WWOX: variants seen among roughly 807,000 people sequenced by gnomAD.
WWOX encodes the protein WW domain-containing oxidoreductase.
In WWOX, 69 loss-of-function variants were observed where a neutral mutation model predicts 46.2. That is an observed-to-expected ratio of 1.49 (90% confidence interval 1.23 to 1.82). The LOEUF (loss-of-function observed/expected upper bound fraction) is 1.82. Ranked by LOEUF, WWOX falls within the 40% of genes most tolerant of loss-of-function variation. The pLI is 0.00. For synonymous variants in WWOX, 359 were observed against 202.6 expected (o/e 1.77, Z -6.56); for missense variants, 919 against 542.6 (o/e 1.69, Z -6.89).
intron 8 of WWOX, among the ~76,000 whole-genome samples, chr16:79,144,988 G>A (rs2050158256): frequency 6.6e-6 from 1 of 152,132 alleles, no homozygotes; most frequent in African/African-American, 2.4e-5. Flanking sequence ...GGCATCTACT[G>A]GGGGTCTTGG....
chr16:78,512,254 G>T (rs2085380707), intron 8 of WWOX, among the ~76,000 whole-genome samples: 1 of 152,086 alleles, frequency 6.6e-6, no homozygotes, highest in African/African-American at 2.4e-5. Context: ...TCAATTGCTG[G>T]TTCCTGTAAA....
intron 4 of WWOX, among the ~76,000 whole-genome samples, chr16:78,133,688 G>T (rs1280719629): frequency 1.3e-5 from 2 of 152,190 alleles, no homozygotes; most frequent in Non-Finnish European, 2.9e-5. Context: ...GAGCCACCAT[G>T]CCTGGCCTGA....
At chr16:78,562,368 T>C (rs1056602458) in intron 8 of WWOX, among the ~76,000 whole-genome samples, 7 of 152,202 alleles carry the variant, frequency 4.6e-5, no homozygotes, top group Non-Finnish European at 8.8e-5. Context: ...TACTATACGA[T>C]CTAGTGTTTT....
At chr16:79,134,440 A>G (rs1302452436) in intron 8 of WWOX, among the ~76,000 whole-genome samples, 1 of 152,158 alleles carries the variant, frequency 6.6e-6, no homozygotes, top group African/African-American at 2.4e-5. Context: ...GAAGTTATAC[A>G]GGGTCCTGTT....
chr16:78,515,714 G>A (rs369203946), intron 8 of WWOX, among the ~76,000 whole-genome samples: 10 of 152,258 alleles, frequency 6.6e-5, no homozygotes, highest in African/African-American at 1.9e-4. Flanking sequence ...CAGACTGCGC[G>A]TTGCCCGTTG....
intron 8 of WWOX, among the ~76,000 whole-genome samples, chr16:78,636,038 C>T (rs913306415): frequency 2.6e-5 from 4 of 152,140 alleles, no homozygotes; most frequent in Non-Finnish European, 5.9e-5. Flanking sequence ...TCCTTATGCT[C>T]GCTGCGGAAC....
In WWOX at chr16:78,698,418, G is replaced by A. The variant is rs186188291; in HGVS notation, c.1056+265666G>A. Among the ~76,000 whole-genome samples, 4 of 152,226 alleles carry A rather than the reference G, an allele frequency of 2.6e-5. 1 individual carries two copies. The highest frequency in any genetic ancestry group is 3.9e-4 in the East Asian group (2 of 5,184). On this transcript the variant is annotated intron_variant, in intron 8 of 8. Transcript: ENST00000566780. ...TTGAAAATTAAAATTCATTTCATTC[G>A]CATTACAGATTTTAAATCCTAGCTC...
intron 8 of WWOX, among the ~76,000 whole-genome samples, chr16:78,622,183 T>C (rs1458497647): frequency 6.6e-6 from 1 of 152,176 alleles, no homozygotes. Flanking sequence ...TTTCTCTCCA[T>C]TCTTCTCTCC....
At chr16:78,847,330 A>G (rs1018580999) in intron 8 of WWOX, among the ~76,000 whole-genome samples, 8 of 152,156 alleles carry the variant, frequency 5.3e-5, no homozygotes, top group Admixed American at 1.3e-4. Flanking sequence ...CTCTGTGTAT[A>G]TTATAATTTT....
chr16:78,198,574 T>C (rs1312928007), intron 5 of WWOX, among the ~76,000 whole-genome samples: 2 of 152,178 alleles, frequency 1.3e-5, no homozygotes, highest in East Asian at 3.9e-4. Flanking sequence ...ATTTCTGTTT[T>C]TGATGCTCTC....
intron 8 of WWOX, chr16:79,101,331 C>G (rs1222938553): frequency 6.6e-6 from 1 of 152,188 alleles, no homozygotes; most frequent in Admixed American, 6.5e-5. Flanking sequence ...GGTCTCTCTG[C>G]TGACACAAGA....
intron 8 of WWOX, among the ~76,000 whole-genome samples, chr16:79,209,833 C>G (rs1329018540): frequency 6.6e-6 from 1 of 152,168 alleles, no homozygotes; most frequent in Non-Finnish European, 1.5e-5. Flanking sequence ...ATAAATGTGC[C>G]AGGTGCTAAG....
chr16:78,597,719 A>G (rs2045523420), intron 8 of WWOX, among the ~76,000 whole-genome samples: 1 of 151,234 alleles, frequency 6.6e-6, no homozygotes, highest in Non-Finnish European at 1.5e-5. Flanking sequence ...ATAGTCAATA[A>G]TTGCTTAATG....
chr16:78,778,174 T>C (rs1228508580), intron 8 of WWOX, among the ~76,000 whole-genome samples: 1 of 152,176 alleles, frequency 6.6e-6, no homozygotes, highest in Non-Finnish European at 1.5e-5. Flanking sequence ...GTTAGCTTTA[T>C]AGTTAAATCA....
chr16:78,969,750 G>C (rs1378682213), intron 8 of WWOX, among the ~76,000 whole-genome samples: 1 of 152,118 alleles, frequency 6.6e-6, no homozygotes, highest in Admixed American at 6.5e-5. Context: ...CAGTCACAAA[G>C]GACCCTATGT....
intron 5 of WWOX, among the ~76,000 whole-genome samples, chr16:78,288,991 T>C (rs1466108036): frequency 3.3e-5 from 5 of 152,006 alleles, no homozygotes; most frequent in Non-Finnish European, 7.4e-5. Context: ...TAACACGCAG[T>C]GGGAAGGTTC....
At chr16:79,200,737 G>A (rs1050258822) in intron 8 of WWOX, among the ~76,000 whole-genome samples, 1 of 152,070 alleles carries the variant, frequency 6.6e-6, no homozygotes, top group African/African-American at 2.4e-5. Flanking sequence ...TGGATGATTT[G>A]GAAGGGAGAT....
At chr16:78,783,731 GT>G (rs2050385928) in intron 8 of WWOX, among the ~76,000 whole-genome samples, 1 of 15,054 alleles carries the variant, frequency 6.6e-5, no homozygotes, top group Admixed American at 7.8e-4. Flanking sequence ...TGATGTTGAT[GT>G]TGATGATGAT....
chr16:78,261,766 ATC>A (rs2079238684), intron 5 of WWOX, among the ~76,000 whole-genome samples: 2 of 74,858 alleles, frequency 2.7e-5, no homozygotes, highest in East Asian at 7.1e-4. Flanking sequence ...CTATCTATCT[ATC>A]TATGTATCTA....
Sources: allele counts gnomAD v4.1 joint callset (sites outside exome capture counted in the v4.1 genomes callset), GRCh38; gene constraint gnomAD v4.1.1; transcripts MANE v1.5; gene names NCBI Gene and HGNC (gene_info 2026-07-23, HGNC 2026-07-21).